CPEB2: variants seen among roughly 807,000 people sequenced by gnomAD.
CPEB2 encodes the protein cytoplasmic polyadenylation element binding protein 2.
In CPEB2, 56 loss-of-function variants were observed where a neutral mutation model predicts 93.6. The observed-to-expected ratio is 0.60, with a 90% CI of 0.48 to 0.75. CPEB2 has a LOEUF of 0.75. Among genes scored for constraint, CPEB2 ranks in the 30% least tolerant of loss-of-function variants. The probability of loss-of-function intolerance (pLI) is 0.00; values close to 1 mark genes in which losing one functional copy is unlikely to be tolerated. For synonymous variants in CPEB2, 764 were observed against 586.3 expected (o/e 1.30, Z -4.38); for missense variants, 1,579 against 1,395.1 (o/e 1.13, Z -2.10).
chr4:15,012,350 AT>A (rs74499377), intron 3 of CPEB2, among the ~76,000 whole-genome samples: 20,379 of 151,956 alleles, frequency 0.13, 2,332 homozygotes, highest in South Asian at 0.32. Flanking sequence ...ACATTTGTTT[AT>A]TTTTTTTCTG....
Position 15,054,172 on chromosome 4 carries a change from G to T in CPEB2, c.2416G>T (p.Asp806Tyr), listed in dbSNP as rs1728506835. The change falls in exon 8 of 12, where the codon GAT becomes TAT. Residue 806 changes from aspartate to tyrosine, a missense_variant. By Grantham distance (160) the Asp-to-Tyr change is radical. Coordinates refer to ENST00000538197, the MANE Select transcript of CPEB2 (RefSeq NM_001177382.2). The part of the protein sequence containing the change: ...SFRRFGPLVV[D>Y]WPHKAESKSY... ...CAGAAGATTTGGGCCTTTGGTAGTA[G>T]ATTGGCCTCATAAAGCAGAAAGCAA... The T allele has an allele frequency of 6.2e-7, 1 of 1,611,304 alleles. No homozygotes were observed. The highest frequency in any genetic ancestry group is 1.7e-5 in the Admixed American group (1 of 59,464).
At chr4:15,051,903 C>T (rs886197278) in intron 6 of CPEB2, among the ~76,000 whole-genome samples, 2 of 152,170 alleles carry the variant, frequency 1.3e-5, no homozygotes, top group Admixed American at 6.5e-5. Flanking sequence ...GCGGAAGCTC[C>T]GTCTACTGTT....
intron 8 of CPEB2, among the ~76,000 whole-genome samples, chr4:15,055,229 A>G (rs1265939115): frequency 6.6e-6 from 1 of 152,124 alleles, no homozygotes; most frequent in Non-Finnish European, 1.5e-5. Context: ...TGCAGATTCT[A>G]TATGTATGTA....
rs1381711904 is a variant in CPEB2 at position 15,010,896 on chromosome 4, A to G, written c.2034+2469A>G. Among the ~76,000 whole-genome samples, 3 of 152,282 alleles carry G rather than the reference A, an allele frequency of 2.0e-5. No individual in the cohort carries two copies. The South Asian group carries it at 6.2e-4, about 32-fold the overall frequency. On this transcript the variant is annotated intron_variant, in intron 3 of 11. Coordinates refer to ENST00000538197, the MANE Select transcript of CPEB2 (RefSeq NM_001177382.2). ...AGAGCTGAACACGTAATCGAATTCA[A>G]TAAATAAGAAAGAGCTAGTTTTGTA...
chr4:15,020,752 G>A lies in CPEB2; in HGVS notation c.2125+3474G>A, dbSNP rs114802586. 4.1e-3 allele frequency among the ~76,000 whole-genome samples: 631 copies of A among 152,292 alleles called. 3 individuals are homozygous for A. Among genetic ancestry groups the A allele is most frequent in the African/African-American group, 0.015 (610 of 41,580 alleles). ...ACAAGTTTCCTAGACACTGCACGTT[G>A]TCGGAGACAGACATAGTGTCTGCCC... On this transcript the variant is annotated intron_variant, in intron 4 of 11. Coordinates refer to ENST00000538197, the MANE Select transcript of CPEB2 (RefSeq NM_001177382.2).
intron 4 of CPEB2, among the ~76,000 whole-genome samples, chr4:15,018,936 TTATATATATATATATA>T (rs56945294): frequency 9.0e-5 from 12 of 133,136 alleles, no homozygotes; most frequent in East Asian, 4.1e-4. Flanking sequence ...AAGGGGAATT[TTATATATATATATATA>T]TATATATATA....
chr4:15,003,518 C>A lies in CPEB2; in HGVS notation c.845C>A (p.Pro282His). The A allele has an allele frequency of 7.0e-7, 1 of 1,437,706 alleles. No individual in the cohort carries two copies. Among genetic ancestry groups the A allele is most frequent in the Non-Finnish European group, 9.1e-7 (1 of 1,098,136 alleles). 89.1% of individuals were successfully genotyped at this position (1,437,706 alleles called of 1,614,324 possible). A position where few individuals can be genotyped will look rare whatever the true frequency, so the allele number is the denominator to read the frequency against. The change falls in exon 1 of 12, where the codon CCT (proline) becomes CAT (histidine). Residue 282 changes from proline (P) to histidine (H), a missense_variant. This residue lies in a region of CPEB2 where 1,411 missense variants were observed against 1,056.0 expected (regional missense o/e 1.34). Transcript: ENST00000538197. ...PRRRHGGAGS[P>H]RKTPAAGEGS... ...CGCCGCCACGGAGGCGCGGGCAGCC[C>A]TCGCAAGACCCCAGCCGCGGGCGAG...
intron 6 of CPEB2, among the ~76,000 whole-genome samples, chr4:15,045,903 G>A (rs941909461): frequency 3.3e-5 from 5 of 152,056 alleles, no homozygotes; most frequent in Middle Eastern, 3.4e-3. Context: ...CTTTTTGTAC[G>A]GAAATTGTAT....
intron 3 of CPEB2, among the ~76,000 whole-genome samples, chr4:15,016,059 CTT>C (rs1382017421): frequency 8.6e-5 from 13 of 152,014 alleles, no homozygotes; most frequent in Non-Finnish European, 7.4e-5. Flanking sequence ...TCTGGTCTCT[CTT>C]GAAGCTAATG....
chr4:15,048,905 T>C (rs1195258357), intron 6 of CPEB2, among the ~76,000 whole-genome samples: 1 of 152,050 alleles, frequency 6.6e-6, no homozygotes, highest in Non-Finnish European at 1.5e-5. Context: ...TAATTTGGAA[T>C]ATGATAAAAG....
At chr4:15,048,576 A>G (rs1443496505) in intron 6 of CPEB2, among the ~76,000 whole-genome samples, 1 of 151,494 alleles carries the variant, frequency 6.6e-6, no homozygotes, top group Non-Finnish European at 1.5e-5. Flanking sequence ...CTTTTTTGTT[A>G]CTTTATTTCC....
At chr4:15,025,398 G>T (rs1577399120) in intron 4 of CPEB2, among the ~76,000 whole-genome samples, 1 of 151,732 alleles carries the variant, frequency 6.6e-6, no homozygotes, top group Non-Finnish European at 1.5e-5. Flanking sequence ...TTTTTCTCAT[G>T]TTGGGGGCTT....
intron 1 of CPEB2, chr4:15,004,936 T>C (rs904420570): frequency 2.0e-5 from 3 of 151,042 alleles, no homozygotes; most frequent in South Asian, 2.1e-4. Context: ...CTTTTTTTTT[T>C]CTTTGGAGTT....
chr4:15,049,979 G>A (rs1405264073), intron 6 of CPEB2, among the ~76,000 whole-genome samples: 1 of 152,080 alleles, frequency 6.6e-6, no homozygotes, highest in Admixed American at 6.5e-5. Context: ...CTTGCATCAT[G>A]TGTCATATTG....
At chr4:15,032,857 T>C (rs545294560) in intron 4 of CPEB2, among the ~76,000 whole-genome samples, 4 of 152,176 alleles carry the variant, frequency 2.6e-5, no homozygotes, top group Non-Finnish European at 4.4e-5. Context: ...GACTAGGATA[T>C]GATAGATATA....
chr4:15,049,901 CCCTT>C (rs1216260982), intron 6 of CPEB2, among the ~76,000 whole-genome samples: 1 of 152,142 alleles, frequency 6.6e-6, no homozygotes, highest in Non-Finnish European at 1.5e-5. Context: ...GGCATGTGGT[CCCTT>C]CCTTCTTGTC....
chr4:15,003,462 G>T lies in CPEB2; in HGVS notation c.789G>T (p.Gln263His), dbSNP rs550632195. ...CGGCAGACCTGCCCCCGCTCCCGCA[G>T]CTCCCTCCCTCGCCGCCTGCAGCCC... is the stretch of plus-strand genomic sequence containing the variant. The part of the protein sequence containing the change: ...QRPADLPPLP[Q>H]LPPSPPAAPR... The change falls in exon 1 of 12, where the codon CAG becomes CAT. Residue 263 changes from glutamine (Q) to histidine (H), a missense_variant. This residue lies in a region of CPEB2 where 1,411 missense variants were observed against 1,056.0 expected (regional missense o/e 1.34). Coordinates refer to ENST00000538197, the MANE Select transcript of CPEB2 (RefSeq NM_001177382.2). 3 of 1,384,170 alleles carry T rather than the reference G, an allele frequency of 2.2e-6. No homozygotes were observed. The highest frequency in any genetic ancestry group is 3.0e-5 in the African/African-American group (2 of 65,778). 85.7% of individuals were successfully genotyped at this position (1,384,170 alleles called of 1,614,324 possible).
At position 15,017,176 on chromosome 4, in the gene CPEB2, C is replaced by A; in HGVS notation, c.2035-12C>A. 1 of 1,484,810 alleles carries A rather than the reference C, an allele frequency of 6.7e-7. No individual in the cohort carries two copies. The highest frequency in any genetic ancestry group is 1.2e-5 in the South Asian group (1 of 86,742). The allele number at this position is 1,484,810 out of a possible 1,614,324, so 92.0% of individuals were successfully genotyped here. ...CATAGATTATAATGTCTTTTTTCCT[C>A]TTCTCTTCCAGGATCGAAGTAGAAT... is the stretch of plus-strand genomic sequence containing the variant. On this transcript the variant is annotated splice_polypyrimidine_tract_variant and intron_variant, in intron 3 of 11. Coordinates refer to ENST00000538197, the MANE Select transcript of CPEB2 (RefSeq NM_001177382.2).
intron 11 of CPEB2, chr4:15,063,950 T>C (rs1444575692): frequency 1.3e-5 from 2 of 152,152 alleles, no homozygotes; most frequent in Admixed American, 6.6e-5. Context: ...ATATTGCTTA[T>C]ACAAAGAAAT....
Sources: gnomAD v4.1 joint callset for allele counts (sites outside exome capture counted in the v4.1 genomes callset) on GRCh38, gnomAD v4.1.1 for gene constraint, gnomAD v4.1.1 regional missense constraint, MANE v1.5 for transcripts, NCBI Gene and HGNC (gene_info 2026-07-23, HGNC 2026-07-21) for gene names.